Variants in EXT1 observed in about 807,000 individuals in gnomAD.
EXT1 encodes exostosin glycosyltransferase 1.
EXT1 carries 20 observed loss-of-function variants against 82.5 expected under a neutral mutation model. The ratio of observed to expected loss-of-function variants is 0.24; its 90% CI spans 0.17 to 0.35. EXT1 has a LOEUF of 0.35. EXT1 is among the 10% of genes least tolerant of loss of function. The pLI is 1.00. For missense variants in EXT1, 757 were observed against 936.5 expected (o/e 0.81, Z 2.50); for synonymous variants, 348 against 350.8 (o/e 0.99, Z 0.09).
intron 1 of EXT1, among the ~76,000 whole-genome samples, chr8:117,902,013 AT>A (rs56712360): frequency 3.8e-3 from 539 of 140,756 alleles, no homozygotes; most frequent in African/African-American, 4.5e-3. Context: ...ACTTTTTTCT[AT>A]TTTTTTTTTT....
intron 1 of EXT1, among the ~76,000 whole-genome samples, chr8:117,978,286 CT>C (rs1815110657): frequency 6.6e-6 from 1 of 152,318 alleles, no homozygotes; most frequent in East Asian, 1.9e-4. Context: ...CACATTCTGG[CT>C]TTAACTAAAA....
chr8:118,103,332 A>C (rs1817756118), intron 1 of EXT1, among the ~76,000 whole-genome samples: 1 of 152,088 alleles, frequency 6.6e-6, no homozygotes, highest in Non-Finnish European at 1.5e-5. Flanking sequence ...TCTTTAGTAA[A>C]GATAAGATCT....
chr8:118,037,355 T>C (rs1052344818), intron 1 of EXT1, among the ~76,000 whole-genome samples: 6 of 151,400 alleles, frequency 4.0e-5, no homozygotes, highest in Non-Finnish European at 7.4e-5. Context: ...TCGAGTACCT[T>C]ACAATTTGCA....
chr8:118,005,458 T>C (rs1815754529), intron 1 of EXT1, among the ~76,000 whole-genome samples: 1 of 152,206 alleles, frequency 6.6e-6, no homozygotes, highest in Non-Finnish European at 1.5e-5. Context: ...CTATGCACTA[T>C]TTAGTATATG....
chr8:118,058,948 C>G (rs1189731506), intron 1 of EXT1, among the ~76,000 whole-genome samples: 1 of 152,124 alleles, frequency 6.6e-6, no homozygotes, highest in Non-Finnish European at 1.5e-5. Flanking sequence ...TCTTGTTCTC[C>G]CCTTCTGCTT....
At chr8:117,807,144 T>C (rs1823249690) in intron 9 of EXT1, 73 bp downstream of exon 9, 8 of 1,585,516 alleles carry the variant, frequency 5.0e-6, no homozygotes, top group Non-Finnish European at 6.9e-6. Context: ...GATTTGGCCT[T>C]AGTTCCTATT....
intron 1 of EXT1, among the ~76,000 whole-genome samples, chr8:118,037,089 G>T (rs1437012323): frequency 1.3e-5 from 2 of 152,132 alleles, no homozygotes; most frequent in African/African-American, 4.8e-5. Context: ...CAATGGGAAA[G>T]AAAATTTCAA....
intron 1 of EXT1, among the ~76,000 whole-genome samples, chr8:118,035,644 T>C (rs1028467764): frequency 1.1e-4 from 17 of 151,824 alleles, no homozygotes; most frequent in African/African-American, 3.4e-4. Context: ...ACTGCAAAAC[T>C]CATAATAGTC....
chr8:117,904,111 A>G (rs1443862280), intron 1 of EXT1, among the ~76,000 whole-genome samples: 4 of 152,246 alleles, frequency 2.6e-5, no homozygotes, highest in African/African-American at 9.6e-5. Context: ...TCAAGCTAAC[A>G]GTGATACTAA....
chr8:118,062,879 CTCATCCTTCCCT>C (rs1322532077), intron 1 of EXT1, among the ~76,000 whole-genome samples: 2 of 152,184 alleles, frequency 1.3e-5, no homozygotes, highest in Admixed American at 1.3e-4. Flanking sequence ...GTCTTTGCTA[CTCATCCTTCCCT>C]TCATTTCCCT....
At chr8:118,056,568 A>T (rs1816798380) in intron 1 of EXT1, among the ~76,000 whole-genome samples, 1 of 152,150 alleles carries the variant, frequency 6.6e-6, no homozygotes, top group Admixed American at 6.5e-5. Flanking sequence ...AAGTCTGAAA[A>T]GGGACCGTTT....
At chr8:118,045,200 C>G (rs1816602720) in intron 1 of EXT1, among the ~76,000 whole-genome samples, 1 of 152,210 alleles carries the variant, frequency 6.6e-6, no homozygotes, top group Non-Finnish European at 1.5e-5. Context: ...TGTCTCATTA[C>G]TCTAACTCCC....
chr8:117,999,648 G>C (rs533925897), intron 1 of EXT1, among the ~76,000 whole-genome samples: 11 of 152,106 alleles, frequency 7.2e-5, no homozygotes. Flanking sequence ...TCAATGCAAG[G>C]AGCTAAAATG....
chr8:117,806,246 C>T (rs1823234399), intron 9 of EXT1, among the ~76,000 whole-genome samples: 10 of 152,210 alleles, frequency 6.6e-5, no homozygotes, highest in Admixed American at 6.5e-4. Context: ...ATAGAATCCA[C>T]AGTGGATGCA....
chr8:118,026,694 G>C (rs779112163), intron 1 of EXT1, among the ~76,000 whole-genome samples: 1 of 152,026 alleles, frequency 6.6e-6, no homozygotes, highest in Non-Finnish European at 1.5e-5. Flanking sequence ...TGGTTTTTTG[G>C]TTCTTTTATC....
intron 1 of EXT1, among the ~76,000 whole-genome samples, chr8:118,061,646 T>C (rs1816883153): frequency 6.6e-6 from 1 of 152,222 alleles, no homozygotes; most frequent in Non-Finnish European, 1.5e-5. Context: ...TGTGGTAATT[T>C]GAAAAGTACT....
chr8:117,955,566 A>G (rs1235394352), intron 1 of EXT1, among the ~76,000 whole-genome samples: 1 of 151,112 alleles, frequency 6.6e-6, no homozygotes, highest in Non-Finnish European at 1.5e-5. Context: ...GGCAGAGACC[A>G]AATTTTTGAG....
intron 1 of EXT1, among the ~76,000 whole-genome samples, chr8:118,032,120 TTACTC>T (rs1563634846): frequency 2.2e-5 from 1 of 44,796 alleles, no homozygotes; most frequent in Admixed American, 2.7e-4. Context: ...GTTTTGGCCA[TTACTC>T]AATGGCCAAA....
At chr8:118,004,049 T>C (rs1286233597) in intron 1 of EXT1, among the ~76,000 whole-genome samples, 1 of 152,150 alleles carries the variant, frequency 6.6e-6, no homozygotes, top group Non-Finnish European at 1.5e-5. Context: ...GCAATTAGGC[T>C]AGAAGTTCTT....
Sources: gnomAD v4.1 joint callset for allele counts (sites outside exome capture counted in the v4.1 genomes callset) on GRCh38, gnomAD v4.1.1 for gene constraint, MANE v1.5 for transcripts, NCBI Gene and HGNC (gene_info 2026-07-23, HGNC 2026-07-21) for gene names.